CUL1: variants seen among roughly 807,000 people sequenced by gnomAD.
The protein encoded by CUL1 is cullin-1.
Under a neutral mutation model 118.0 loss-of-function variants are expected in CUL1, and 24 were observed. That is an observed-to-expected ratio of 0.20 (90% CI 0.15 to 0.29). CUL1 has a LOEUF of 0.29. CUL1 is among the 10% of genes least tolerant of loss of function. The pLI, the probability that CUL1 is intolerant of heterozygous loss-of-function variation, is 1.00. For synonymous variants in CUL1, 332 were observed against 340.4 expected (o/e 0.98, Z 0.27); for missense variants, 361 against 933.8 (o/e 0.39, Z 7.99).
intron 9 of CUL1, among the ~76,000 whole-genome samples, chr7:148,771,077 C>T (rs1338928160): frequency 6.6e-6 from 1 of 152,084 alleles, no homozygotes; most frequent in Non-Finnish European, 1.5e-5. Flanking sequence ...AAGGCACTAC[C>T]TAAGTGATTT....
intron 1 of CUL1, among the ~76,000 whole-genome samples, chr7:148,725,736 A>G (rs1318275407): frequency 2.6e-5 from 4 of 152,204 alleles, no homozygotes; most frequent in African/African-American, 7.2e-5. Context: ...GCCTACTTCT[A>G]ACATTTCCTT....
At chr7:148,744,397 A>AGTGTGTGTGTGT (rs56093418) in intron 2 of CUL1, among the ~76,000 whole-genome samples, 11 of 143,968 alleles carry the variant, frequency 7.6e-5, no homozygotes, top group Admixed American at 4.8e-4. Flanking sequence ...TTGTTTCTGC[A>AGTGTGTGTGTGT]GTGTGTGTGT....
intron 9 of CUL1, among the ~76,000 whole-genome samples, chr7:148,769,032 T>C (rs1800112009): frequency 6.6e-6 from 1 of 152,160 alleles, no homozygotes; most frequent in Non-Finnish European, 1.5e-5. Flanking sequence ...TACAGAGTCC[T>C]CAGTGTCGGC....
intron 9 of CUL1, among the ~76,000 whole-genome samples, chr7:148,781,680 A>G (rs1216066231): frequency 1.3e-5 from 2 of 152,200 alleles, no homozygotes; most frequent in South Asian, 2.1e-4. Context: ...GAGTCCACCA[A>G]TGACAAGTCG....
chr7:148,737,568 ATATT>A (rs1188792368), intron 2 of CUL1, among the ~76,000 whole-genome samples: 3 of 142,288 alleles, frequency 2.1e-5, no homozygotes, highest in African/African-American at 5.1e-5. Context: ...GTATATATAT[ATATT>A]TTTATATTTA....
chr7:148,798,818 G>A (rs1276731474), intron 20 of CUL1, 141 bp downstream of exon 20: 2 of 726,338 alleles, frequency 2.8e-6, no homozygotes, highest in African/African-American at 1.7e-5. Flanking sequence ...AGGTGGCAAG[G>A]CCGAGAGCCA....
intron 1 of CUL1, among the ~76,000 whole-genome samples, chr7:148,711,935 G>T (rs1010614260): frequency 1.3e-5 from 2 of 152,200 alleles, no homozygotes; most frequent in African/African-American, 4.8e-5. Flanking sequence ...TACGGAAGTG[G>T]ACCTCACGTG....
intron 1 of CUL1, among the ~76,000 whole-genome samples, chr7:148,711,110 A>T (rs1484159303): frequency 1.3e-5 from 2 of 152,190 alleles, no homozygotes; most frequent in Non-Finnish European, 2.9e-5. Flanking sequence ...AGCTCAGAAG[A>T]CATACTCAAA....
intron 2 of CUL1, among the ~76,000 whole-genome samples, chr7:148,749,729 A>T (rs1463799071): frequency 1.3e-5 from 2 of 152,144 alleles, no homozygotes; most frequent in Non-Finnish European, 2.9e-5. Flanking sequence ...GTTCAAGTAA[A>T]ATGAAGAGTT....
intron 7 of CUL1, among the ~76,000 whole-genome samples, chr7:148,763,433 T>C (rs2129460623): frequency 6.6e-6 from 1 of 152,364 alleles, no homozygotes; most frequent in East Asian, 1.9e-4. Flanking sequence ...CATGTAATTC[T>C]GCTCTCATCC....
At chr7:148,789,322 A>G (rs1800931059) in intron 14 of CUL1, among the ~76,000 whole-genome samples, 1 of 152,200 alleles carries the variant, frequency 6.6e-6, no homozygotes, top group Non-Finnish European at 1.5e-5. Flanking sequence ...GGCGTTTCCC[A>G]GTAATAAGTG....
At chr7:148,778,136 A>G (rs1407509815) in intron 9 of CUL1, among the ~76,000 whole-genome samples, 1 of 148,838 alleles carries the variant, frequency 6.7e-6, no homozygotes, top group East Asian at 2.0e-4. Context: ...CACTTACTGA[A>G]TTGTTAGTGT....
intron 7 of CUL1, among the ~76,000 whole-genome samples, chr7:148,765,289 C>G (rs1799969454): frequency 6.6e-6 from 1 of 152,068 alleles, no homozygotes; most frequent in African/African-American, 2.4e-5. Flanking sequence ...AGTATTGATT[C>G]ATTACCAGTT....
At chr7:148,737,703 C>G (rs1799004762) in intron 2 of CUL1, among the ~76,000 whole-genome samples, 1 of 151,822 alleles carries the variant, frequency 6.6e-6, no homozygotes, top group South Asian at 2.1e-4. Context: ...TGGGTTCAAG[C>G]AATTCTCATA....
intron 11 of CUL1, among the ~76,000 whole-genome samples, chr7:148,785,999 G>A (rs893160964): frequency 6.6e-6 from 1 of 152,166 alleles, no homozygotes; most frequent in African/African-American, 2.4e-5. Flanking sequence ...GAAAAGACCT[G>A]TACAAAAATT....
At chr7:148,795,581 A>G (rs1801163910) in intron 17 of CUL1, among the ~76,000 whole-genome samples, 1 of 152,060 alleles carries the variant, frequency 6.6e-6, no homozygotes, top group Non-Finnish European at 1.5e-5. Context: ...CCTGGCTAAC[A>G]TGGTGAAACC....
Position 148,788,787 on chromosome 7 carries a change from A to G in CUL1, c.1597+113A>G, listed in dbSNP as rs1584819563. The G allele has an allele frequency of 5.4e-6, 4 of 741,122 alleles. No individual in the cohort carries two copies. In the East Asian group the frequency reaches 1.0e-4, roughly 19 times the overall value. 45.9% of individuals were successfully genotyped at this position (741,122 alleles called of 1,614,324 possible). A position where few individuals can be genotyped will look rare whatever the true frequency, so the allele number is the denominator to read the frequency against. ...GAGGGGCTTTGTCAGAAATTCAAGA[A>G]CTAAGAAGCGGGAGATTCCTCCCAA... On this transcript the variant is annotated intron_variant, in intron 14 of 21. Coordinates refer to ENST00000325222, the MANE Select transcript of CUL1 (RefSeq NM_003592.3).
chr7:148,792,694 C>A, intron 16 of CUL1, 32 bp from the exon 17 acceptor site: 1 of 1,556,478 alleles, frequency 6.4e-7, no homozygotes, highest in Non-Finnish European at 8.8e-7. Flanking sequence ...GTAAATTTTC[C>A]TTCTTTTTCT....
intron 3 of CUL1, among the ~76,000 whole-genome samples, chr7:148,755,012 C>T (rs894046239): frequency 1.3e-5 from 2 of 152,174 alleles, no homozygotes; most frequent in Admixed American, 6.5e-5. Context: ...CTCCACCTCC[C>T]GAAGTGTTGG....
Sources: gnomAD v4.1 joint callset for allele counts (sites outside exome capture counted in the v4.1 genomes callset) on GRCh38, gnomAD v4.1.1 for gene constraint, MANE v1.5 for transcripts, NCBI Gene and HGNC (gene_info 2026-07-23, HGNC 2026-07-21) for gene names.